Variants in NTM observed in about 807,000 individuals in gnomAD.
NTM encodes the protein neurotrimin, also known as IgLON family member 2.
A neutral mutation model predicts 42.1 loss-of-function variants in NTM; 13 were observed. The ratio of observed to expected loss-of-function variants is 0.31; its 90% CI spans 0.20 to 0.49. The LOEUF is 0.49. NTM is among the 20% of genes least tolerant of loss of function. The pLI, the probability that NTM is intolerant of heterozygous loss-of-function variation, is 0.99. For missense variants in NTM, 373 were observed against 452.8 expected (o/e 0.82, Z 1.60); for synonymous variants, 187 against 179.2 (o/e 1.04, Z -0.35).
chr11:132,244,827 C>T (rs1381475090), intron 4 of NTM, among the ~76,000 whole-genome samples: 1 of 152,198 alleles, frequency 6.6e-6, no homozygotes, highest in Non-Finnish European at 1.5e-5. Context: ...CGGCTCACTG[C>T]ACAGATTGCT....
chr11:131,621,205 T>A (rs572973066), intron 1 of NTM, among the ~76,000 whole-genome samples: 4 of 152,236 alleles, frequency 2.6e-5, no homozygotes, highest in Non-Finnish European at 5.9e-5. Context: ...GTCTGTGTAT[T>A]CACTGGCCAG....
intron 1 of NTM, among the ~76,000 whole-genome samples, chr11:131,699,626 A>G (rs1254262403): frequency 6.6e-6 from 1 of 152,162 alleles, no homozygotes; most frequent in Non-Finnish European, 1.5e-5. Context: ...CTCACAGTTC[A>G]GCAGGGCTGG....
intron 1 of NTM, among the ~76,000 whole-genome samples, chr11:131,890,768 G>A (rs1407524907): frequency 1.3e-5 from 2 of 152,116 alleles, no homozygotes; most frequent in South Asian, 2.1e-4. Context: ...GGTGCCACCC[G>A]GACGCATGCT....
intron 1 of NTM, among the ~76,000 whole-genome samples, chr11:131,873,537 T>TGTGTGTGTATATATATACC (rs1565657182): frequency 2.8e-5 from 2 of 72,114 alleles, no homozygotes; most frequent in African/African-American, 7.7e-5. Flanking sequence ...TGTGTGTGTG[T>TGTGTGTGTATATATATACC]GTATATATAT....
At chr11:131,810,720 G>A (rs2092700691) in intron 1 of NTM, among the ~76,000 whole-genome samples, 1 of 152,228 alleles carries the variant, frequency 6.6e-6, no homozygotes, top group Non-Finnish European at 1.5e-5. Context: ...GTGCCAGGAA[G>A]CAGAAGTTGC....
chr11:131,961,085 T>C (rs1315423789), intron 2 of NTM, among the ~76,000 whole-genome samples: 1 of 152,172 alleles, frequency 6.6e-6, no homozygotes, highest in African/African-American at 2.4e-5. Flanking sequence ...CTAGATCCTT[T>C]TGTAGCCAGG....
chr11:131,965,500 T>C (rs1460900429), intron 2 of NTM, among the ~76,000 whole-genome samples: 1 of 152,196 alleles, frequency 6.6e-6, no homozygotes, highest in Non-Finnish European at 1.5e-5. Flanking sequence ...TAATTAATTA[T>C]TATTAATTGT....
intron 7 of NTM, among the ~76,000 whole-genome samples, chr11:132,319,323 C>T (rs1310907358): frequency 3.3e-5 from 5 of 152,200 alleles, no homozygotes; most frequent in Admixed American, 6.5e-5. Flanking sequence ...GGCAAGGCAT[C>T]GCCTTACCTG....
At chr11:131,564,766 C>T (rs2056672101) in intron 1 of NTM, among the ~76,000 whole-genome samples, 1 of 152,168 alleles carries the variant, frequency 6.6e-6, no homozygotes, top group African/African-American at 2.4e-5. Flanking sequence ...CTTTAATATT[C>T]ATTTTCCTCT....
At chr11:131,831,076 T>A (rs1464395166) in intron 1 of NTM, among the ~76,000 whole-genome samples, 1 of 152,182 alleles carries the variant, frequency 6.6e-6, no homozygotes, top group Non-Finnish European at 1.5e-5. Flanking sequence ...GTAGAGTCTT[T>A]AGGGTTTTCT....
Position 131,983,374 on chromosome 11 carries a change from C to CTTTT in NTM, c.167+71742_167+71745dup, listed in dbSNP as rs151133606. On this transcript the variant is annotated intron_variant, in intron 2 of 8. Coordinates refer to ENST00000683400, the MANE Select transcript of NTM (RefSeq NM_001352005.2). ...TAAAATGGAGAGTATAAAATTGTAT[C>CTTTT]TTTTTTTTTTTTTTTTTTTGAGATG... Among the ~76,000 whole-genome samples, 174 of 122,398 alleles carry CTTTT rather than the reference C, an allele frequency of 1.4e-3. 3 individuals carry two copies. The highest frequency in any genetic ancestry group is 5.0e-3 in the African/African-American group (160 of 32,046). 80.3% of individuals were successfully genotyped at this position (122,398 alleles called of 152,430 possible). A position where few individuals can be genotyped will look rare whatever the true frequency, so the allele number is the denominator to read the frequency against.
intron 1 of NTM, among the ~76,000 whole-genome samples, chr11:131,880,142 C>A (rs2049239270): frequency 6.6e-6 from 1 of 152,222 alleles, no homozygotes; most frequent in Admixed American, 6.5e-5. Context: ...ATGGCTAAAT[C>A]TCTTCCGACC....
intron 1 of NTM, among the ~76,000 whole-genome samples, chr11:131,435,798 C>T (rs1039059701): frequency 2.0e-5 from 3 of 152,122 alleles, no homozygotes; most frequent in African/African-American, 7.2e-5. Context: ...TGCCTGATTG[C>T]CCTGGCCAGA....
At chr11:132,031,839 A>G (rs967095780) in intron 2 of NTM, among the ~76,000 whole-genome samples, 1 of 152,076 alleles carries the variant, frequency 6.6e-6, no homozygotes, top group African/African-American at 2.4e-5. Flanking sequence ...TGATTTATAT[A>G]ATCTCTTATG....
At chr11:132,155,668 G>A (rs975241306) in intron 3 of NTM, among the ~76,000 whole-genome samples, 5 of 152,212 alleles carry the variant, frequency 3.3e-5, no homozygotes, top group African/African-American at 9.6e-5. Flanking sequence ...CTAAAACCTG[G>A]ATTTCACAGA....
intron 1 of NTM, among the ~76,000 whole-genome samples, chr11:131,846,705 G>A (rs1457144568): frequency 1.3e-5 from 2 of 152,020 alleles, no homozygotes. Flanking sequence ...ACTTGGAAAT[G>A]TATGTATTAT....
intron 2 of NTM, among the ~76,000 whole-genome samples, chr11:131,938,902 G>C (rs973382163): frequency 2.6e-5 from 4 of 152,164 alleles, no homozygotes; most frequent in African/African-American, 9.7e-5. Flanking sequence ...CATGTAGAGA[G>C]ACTGGTGGAG....
chr11:131,998,565 A>C (rs2068556507), intron 2 of NTM, among the ~76,000 whole-genome samples: 1 of 152,078 alleles, frequency 6.6e-6, no homozygotes, highest in Non-Finnish European at 1.5e-5. Flanking sequence ...AAATTTCCAA[A>C]AACCTGATCT....
chr11:131,670,447 G>T (rs2069959129), intron 1 of NTM, among the ~76,000 whole-genome samples: 1 of 150,186 alleles, frequency 6.7e-6, no homozygotes, highest in South Asian at 2.1e-4. Flanking sequence ...AGGAATACAT[G>T]TCTGCATTCA....
Sources: gnomAD v4.1 joint callset for allele counts (sites outside exome capture counted in the v4.1 genomes callset) on GRCh38, gnomAD v4.1.1 for gene constraint, MANE v1.5 for transcripts, NCBI Gene and HGNC (gene_info 2026-07-23, HGNC 2026-07-21) for gene names.